Variants in ROBO2 observed in about 807,000 individuals in gnomAD.
The protein encoded by ROBO2 is roundabout homolog 2.
Under a neutral mutation model 160.8 loss-of-function variants are expected in ROBO2, and 53 were observed. The ratio of observed to expected loss-of-function variants is 0.33; its 90% CI spans 0.26 to 0.41. The LOEUF (loss-of-function observed/expected upper bound fraction) is 0.41, where lower values mean the gene tolerates loss of function less well. Ranked by LOEUF, ROBO2 falls within the 10% of genes least tolerant of loss-of-function variation. ROBO2 has a pLI of 1.00. For synonymous variants in ROBO2, 664 were observed against 611.7 expected (o/e 1.09, Z -1.26); for missense variants, 1,577 against 1,722.4 (o/e 0.92, Z 1.49).
chr3:77,091,312 C>A (rs977031526), intron 1 of ROBO2, among the ~76,000 whole-genome samples: 1 of 152,062 alleles, frequency 6.6e-6, no homozygotes, highest in East Asian at 1.9e-4. Flanking sequence ...GCACTCACTG[C>A]GAATGAGTGG....
intron 2 of ROBO2, among the ~76,000 whole-genome samples, chr3:77,435,075 C>T (rs1330565778): frequency 1.3e-5 from 2 of 151,874 alleles, no homozygotes; most frequent in African/African-American, 4.8e-5. Context: ...AACCCTATCA[C>T]ACAAACTAAG....
intron 2 of ROBO2, among the ~76,000 whole-genome samples, chr3:76,996,731 A>T (rs1204815302): frequency 1.3e-5 from 2 of 152,166 alleles, no homozygotes; most frequent in Admixed American, 6.5e-5. Context: ...AAGTATTTTC[A>T]TTCTAAACTA....
intron 2 of ROBO2, among the ~76,000 whole-genome samples, chr3:77,435,468 T>C (rs1195201512): frequency 6.6e-6 from 1 of 152,016 alleles, no homozygotes; most frequent in Non-Finnish European, 1.5e-5. Context: ...TTTAAAAACA[T>C]TCATTTTCTG....
intron 2 of ROBO2, among the ~76,000 whole-genome samples, chr3:76,509,652 C>T (rs2107732961): frequency 6.6e-6 from 1 of 152,200 alleles, no homozygotes; most frequent in East Asian, 1.9e-4. Flanking sequence ...TGCTGCTGTC[C>T]AGCAACGGAA....
chr3:77,505,412 G>C (rs2153611578), intron 5 of ROBO2, among the ~76,000 whole-genome samples: 1 of 151,936 alleles, frequency 6.6e-6, no homozygotes, highest in Non-Finnish European at 1.5e-5. Context: ...GCTGAGATTT[G>C]TAACTTGGGT....
Position 76,145,404 on chromosome 3 carries a change from C to A in ROBO2, c.109+207802C>A, listed in dbSNP as rs543233279. ...ATATGGTAAATTGAACATCCACTGACATATTTTCCAGATATGCAAAAGCTT... is the reference window on the plus strand; with the variant it reads ...ATATGGTAAATTGAACATCCACTGAAATATTTTCCAGATATGCAAAAGCTT... On this transcript the variant is annotated intron_variant, in intron 2 of 26. Coordinates refer to the ROBO2 transcript ENST00000487694. 5.3e-5 allele frequency among the ~76,000 whole-genome samples: 8 copies of A among 152,150 alleles called. No individual in the cohort carries two copies. In the East Asian group the frequency reaches 1.6e-3, roughly 29 times the overall value.
intron 2 of ROBO2, among the ~76,000 whole-genome samples, chr3:77,446,595 A>G (rs2080545074): frequency 6.6e-6 from 1 of 152,032 alleles, no homozygotes; most frequent in Non-Finnish European, 1.5e-5. Context: ...ATATCTGTAA[A>G]AATAGACACT....
At chr3:76,763,980 A>C (rs1343164837) in intron 2 of ROBO2, among the ~76,000 whole-genome samples, 2 of 151,752 alleles carry the variant, frequency 1.3e-5, no homozygotes, top group Non-Finnish European at 1.5e-5. Context: ...AATCCTGCAT[A>C]TTTATTCCAA....
chr3:77,551,085 T>G (rs1324067580), intron 8 of ROBO2, 96 bp downstream of exon 9: 1 of 1,286,470 alleles, frequency 7.8e-7, no homozygotes, highest in African/African-American at 1.5e-5. Context: ...GTTAAATCAT[T>G]TCTATGTATG....
At chr3:77,361,756 T>A (rs2070038365) in intron 2 of ROBO2, among the ~76,000 whole-genome samples, 1 of 152,158 alleles carries the variant, frequency 6.6e-6, no homozygotes, top group Admixed American at 6.6e-5. Context: ...GGGGATTAAG[T>A]TTCCAACTGG....
intron 2 of ROBO2, among the ~76,000 whole-genome samples, chr3:76,757,706 A>G (rs1975627): frequency 0.31 from 47,750 of 151,688 alleles, 9,324 homozygotes; most frequent in Non-Finnish European, 0.43. Context: ...GAGGGAAAAT[A>G]TAAACATAAT....
In ROBO2 at chr3:76,672,995, A is replaced by G. The variant is rs561919492; in HGVS notation, c.110-425019A>G. Among the ~76,000 whole-genome samples, 3 of 151,972 alleles carry G rather than the reference A, an allele frequency of 2.0e-5. No homozygotes were observed. The East Asian group carries it at 5.8e-4, about 29-fold the overall frequency. On this transcript the variant is annotated intron_variant, in intron 2 of 26. Coordinates refer to the ROBO2 transcript ENST00000487694. ...CCAGTGTCTGTGCTCTTTTTACTACACAAGTGTCTTAAGTGACAGAAATGA... is the reference window on the plus strand; with the variant it reads ...CCAGTGTCTGTGCTCTTTTTACTACGCAAGTGTCTTAAGTGACAGAAATGA...
chr3:77,189,364 C>G lies in ROBO2; in HGVS notation c.388+91024C>G, dbSNP rs140839508. 2.5e-3 allele frequency among the ~76,000 whole-genome samples: 383 copies of G among 151,966 alleles called. 2 individuals carry two copies. Among genetic ancestry groups the G allele is most frequent in the African/African-American group, 9.0e-3 (373 of 41,526 alleles). ...GAAGATAAGATTTGTAACACTCCCT[C>G]TTAGAAATGACCATGGAAAGATGAT... On this transcript the variant is annotated intron_variant, in intron 2 of 25. Transcript: ENST00000461745.
chr3:76,661,386 A>T (rs1022620816), intron 2 of ROBO2, among the ~76,000 whole-genome samples: 3 of 152,166 alleles, frequency 2.0e-5, no homozygotes, highest in African/African-American at 7.2e-5. Context: ...AAGTCTCTTG[A>T]TCAGTTTAGA....
chr3:76,539,270 C>T (rs1359890972), intron 2 of ROBO2, among the ~76,000 whole-genome samples: 1 of 151,666 alleles, frequency 6.6e-6, no homozygotes. Flanking sequence ...TGGAGGACAG[C>T]TTGATAGGTG....
At position 76,532,987 on chromosome 3, in the gene ROBO2, T is replaced by C. The variant is rs377599709; in HGVS notation, c.110-565027T>C. Among the ~76,000 whole-genome samples, 43 of 152,366 alleles carry C rather than the reference T, an allele frequency of 2.8e-4. 2 individuals are homozygous for C. Among genetic ancestry groups the C allele is most frequent in the South Asian group, 2.7e-3 (13 of 4,832 alleles). On this transcript the variant is annotated intron_variant, in intron 2 of 26. Transcript: ENST00000487694. Reference sequence around the variant, plus strand: ...GAAAGAAAATAATCCATCCTATTTATCTGGATGATATCCAGTTACTTTCAT... The same window carrying C: ...GAAAGAAAATAATCCATCCTATTTACCTGGATGATATCCAGTTACTTTCAT...
intron 2 of ROBO2, among the ~76,000 whole-genome samples, chr3:77,287,646 G>A (rs1271127190): frequency 1.3e-5 from 2 of 152,126 alleles, no homozygotes; most frequent in African/African-American, 4.8e-5. Flanking sequence ...ATTTTTAGAG[G>A]ATTTTAGGTG....
chr3:75,907,303 A>T (rs1328378351), intron 1 of ROBO2, among the ~76,000 whole-genome samples: 1 of 151,972 alleles, frequency 6.6e-6, no homozygotes, highest in Non-Finnish European at 1.5e-5. Context: ...TGCTTGCCTC[A>T]TGCCCAATTT....
At chr3:77,434,501 C>T (rs146071802) in intron 2 of ROBO2, among the ~76,000 whole-genome samples, 1 of 152,180 alleles carries the variant, frequency 6.6e-6, no homozygotes, top group African/African-American at 2.4e-5. Flanking sequence ...AATGTGCCGA[C>T]TGAATGAATG....
Sources: gnomAD v4.1 joint callset for allele counts (sites outside exome capture counted in the v4.1 genomes callset) on GRCh38, gnomAD v4.1.1 for gene constraint, MANE v1.5 for transcripts, NCBI Gene and HGNC (gene_info 2026-07-23, HGNC 2026-07-21) for gene names.